The following ANKS1B variants were observed in gnomAD, a reference collection of about 807,000 sequenced individuals.
ANKS1B encodes ankyrin repeat and sterile alpha motif domain-containing protein 1B.
A neutral mutation model predicts 148.3 loss-of-function variants in ANKS1B; 36 were observed. The ratio of observed to expected loss-of-function variants is 0.24; its 90% confidence interval spans 0.19 to 0.32. ANKS1B has a LOEUF of 0.32. ANKS1B is among the 10% of genes least tolerant of loss of function. ANKS1B has a pLI of 1.00. For synonymous variants in ANKS1B, 542 were observed against 560.8 expected (o/e 0.97, Z 0.47); for missense variants, 1,157 against 1,542.6 (o/e 0.75, Z 4.19).
intron 17 of ANKS1B, among the ~76,000 whole-genome samples, chr12:98,935,908 C>T (rs997277148): frequency 6.6e-6 from 1 of 152,120 alleles, no homozygotes; most frequent in African/African-American, 2.4e-5. Context: ...CTTAGGTGGC[C>T]TTAAATAAAT....
intron 1 of ANKS1B, among the ~76,000 whole-genome samples, chr12:99,866,393 G>C (rs575212099): frequency 6.6e-6 from 1 of 152,042 alleles, no homozygotes; most frequent in East Asian, 1.9e-4. Context: ...GGGCATTTTT[G>C]TTTACTTTTC....
intron 17 of ANKS1B, among the ~76,000 whole-genome samples, chr12:98,929,340 G>T (rs1212905538): frequency 2.6e-5 from 4 of 151,970 alleles, no homozygotes; most frequent in African/African-American, 9.7e-5. Context: ...ACGTGAAGAT[G>T]GTAATACTCC....
intron 25 of ANKS1B, among the ~76,000 whole-genome samples, chr12:98,755,402 C>A (rs928459425): frequency 6.6e-6 from 1 of 152,192 alleles, no homozygotes; most frequent in Non-Finnish European, 1.5e-5. Context: ...ATCTGAAAGC[C>A]CAACTGTCTC....
chr12:98,745,074 A>G lies in ANKS1B; in HGVS notation c.*665T>C, dbSNP rs2097851710. 1.0e-6 allele frequency: 1 copy of G among 985,834 alleles called. No homozygotes were observed. The highest frequency in any genetic ancestry group is 4.7e-5 in the South Asian group (1 of 21,292). The allele number at this position is 985,834 out of a possible 1,614,324, so 61.1% of individuals were successfully genotyped here. On this transcript the variant is annotated 3_prime_UTR_variant, in exon 27 of 27. Coordinates refer to ENST00000683438, the MANE Select transcript of ANKS1B (RefSeq NM_001352186.2). ...TAATACAAGACACATTTTGCTGTGC[A>G]TAATAAATTCCTCTGCTTTGAATCA...
At chr12:99,677,766 G>T (rs977824637) in intron 8 of ANKS1B, among the ~76,000 whole-genome samples, 2 of 152,220 alleles carry the variant, frequency 1.3e-5, no homozygotes, top group Non-Finnish European at 2.9e-5. Flanking sequence ...GAGGTCAGGA[G>T]ATCGAGACCA....
intron 17 of ANKS1B, among the ~76,000 whole-genome samples, chr12:99,001,986 CT>C (rs1334153351): frequency 1.3e-5 from 2 of 152,080 alleles, no homozygotes; most frequent in African/African-American, 2.4e-5. Context: ...GGATTTTCTT[CT>C]TTTTTTAAAG....
intron 15 of ANKS1B, among the ~76,000 whole-genome samples, chr12:99,124,453 T>C (rs2063758953): frequency 6.7e-6 from 1 of 149,898 alleles, no homozygotes; most frequent in Non-Finnish European, 1.5e-5. Context: ...TAAGGCAGAA[T>C]GGAGTTGTGG....
chr12:99,076,789 T>C (rs2048003626), intron 16 of ANKS1B, among the ~76,000 whole-genome samples: 1 of 152,160 alleles, frequency 6.6e-6, no homozygotes, highest in African/African-American at 2.4e-5. Context: ...AAGTTACGGG[T>C]CAGTAAACTA....
At chr12:99,369,791 T>TGGACGGACGGACAGAC (rs1358777689) in intron 12 of ANKS1B, among the ~76,000 whole-genome samples, 1 of 148,770 alleles carries the variant, frequency 6.7e-6, no homozygotes, top group East Asian at 2.0e-4. Flanking sequence ...GATAGATAGA[T>TGGACGGACGGACAGAC]GGACGGACGG....
chr12:99,154,851 G>A (rs1601200415), intron 14 of ANKS1B: 11 of 1,530,716 alleles, frequency 7.2e-6, no homozygotes, highest in Admixed American at 5.9e-5. Flanking sequence ...CCCCTCGCTC[G>A]CTCCCCTTCA....
intron 17 of ANKS1B, among the ~76,000 whole-genome samples, chr12:98,945,989 C>T (rs1031847529): frequency 6.6e-6 from 1 of 152,204 alleles, no homozygotes; most frequent in African/African-American, 2.4e-5. Flanking sequence ...TCCACCTTCT[C>T]CATCCCCTTT....
At chr12:99,200,081 T>A (rs1057198035) in intron 14 of ANKS1B, among the ~76,000 whole-genome samples, 33 of 152,236 alleles carry the variant, frequency 2.2e-4, no homozygotes, top group Non-Finnish European at 7.3e-5. Flanking sequence ...ACACTCTGGT[T>A]AATGCTCTTA....
chr12:99,022,968 A>G (rs1257827301), intron 17 of ANKS1B, among the ~76,000 whole-genome samples: 1 of 152,202 alleles, frequency 6.6e-6, no homozygotes, highest in African/African-American at 2.4e-5. Flanking sequence ...ATAGGCTTGT[A>G]TTAACATAGT....
At chr12:98,819,290 G>GT (rs954224159) in intron 19 of ANKS1B, among the ~76,000 whole-genome samples, 8 of 152,224 alleles carry the variant, frequency 5.3e-5, no homozygotes, top group Admixed American at 4.6e-4. Flanking sequence ...GAAAAGCACA[G>GT]TAAGAATGAA....
chr12:99,455,830 C>G (rs1035328696), intron 10 of ANKS1B, among the ~76,000 whole-genome samples: 21 of 152,208 alleles, frequency 1.4e-4, no homozygotes, highest in African/African-American at 5.1e-4. Context: ...TTATTGTCTG[C>G]TGGCCCTGGT....
At chr12:99,236,843 A>T (rs2088061556) in intron 14 of ANKS1B, among the ~76,000 whole-genome samples, 1 of 152,166 alleles carries the variant, frequency 6.6e-6, no homozygotes, top group African/African-American at 2.4e-5. Context: ...GCAAACTAAC[A>T]CAGGAACAGA....
At chr12:99,183,737 T>A (rs539913930) in intron 14 of ANKS1B, among the ~76,000 whole-genome samples, 2 of 152,254 alleles carry the variant, frequency 1.3e-5, no homozygotes, top group African/African-American at 2.4e-5. Context: ...TTAATGTAGA[T>A]CCCTGAGACT....
intron 14 of ANKS1B, among the ~76,000 whole-genome samples, chr12:99,226,947 G>A (rs2086040107): frequency 6.6e-6 from 1 of 152,192 alleles, no homozygotes; most frequent in East Asian, 1.9e-4. Context: ...GAGTGACAGG[G>A]CGGAGCTAAG....
chr12:99,361,124 A>G (rs913446442), intron 12 of ANKS1B, among the ~76,000 whole-genome samples: 2 of 152,150 alleles, frequency 1.3e-5, no homozygotes, highest in Admixed American at 1.3e-4. Flanking sequence ...AAAGAGTGTA[A>G]TTGGATTGTT....
Sources: allele counts gnomAD v4.1 joint callset (sites outside exome capture counted in the v4.1 genomes callset), GRCh38; gene constraint gnomAD v4.1.1; transcripts MANE v1.5; gene names NCBI Gene and HGNC (gene_info 2026-07-23, HGNC 2026-07-21).